The following SIM1 variants were observed in gnomAD, a reference collection of about 807,000 sequenced individuals.
SIM1 encodes SIM bHLH transcription factor 1.
A neutral mutation model predicts 78.2 loss-of-function variants in SIM1; 18 were observed. That is an observed-to-expected ratio of 0.23 (90% CI 0.16 to 0.34). The LOEUF (loss-of-function observed/expected upper bound fraction) is 0.34. Ranked by LOEUF, SIM1 falls within the 10% of genes least tolerant of loss-of-function variation. The probability of loss-of-function intolerance (pLI) is 1.00; values close to 1 mark genes in which losing one functional copy is unlikely to be tolerated. For synonymous variants in SIM1, 417 were observed against 385.2 expected (o/e 1.08, Z -0.97); for missense variants, 939 against 975.1 (o/e 0.96, Z 0.49).
chr6:100,461,827 T>TTC (rs200945543), intron 2 of SIM1, among the ~76,000 whole-genome samples: 1,978 of 101,970 alleles, frequency 0.019, 49 homozygotes, highest in African/African-American at 0.074. Flanking sequence ...TCTTCTTTTT[T>TTC]TCTTTCTTTC....
intron 2 of SIM1, among the ~76,000 whole-genome samples, chr6:100,461,602 A>G (rs1217151730): frequency 2.0e-5 from 3 of 152,266 alleles, no homozygotes; most frequent in Non-Finnish European, 4.4e-5. Context: ...GCAGGGGCTG[A>G]CAAATCACTG....
chr6:100,405,521 G>T (rs899256766), intron 10 of SIM1, among the ~76,000 whole-genome samples: 3 of 151,872 alleles, frequency 2.0e-5, no homozygotes, highest in Non-Finnish European at 4.4e-5. Context: ...TTTATAATTT[G>T]ATTCATTTAT....
In SIM1 at chr6:100,449,609, G is replaced by T; in HGVS notation, c.439C>A (p.His147Asn). ...TAVLTAHQPY[H>N]SHFVQEYEIE... ...ACCTTACCCTGCACGAAGTGAGAGT[G>T]GTAGGGTTGATGGGCGGTGAGCACC... Residue 147 changes from histidine to asparagine, a missense_variant, in exon 5 of 12, where the codon CAC becomes AAC. This residue lies in a region of SIM1 where 187 missense variants were observed against 191.6 expected (regional missense o/e 0.98). Transcript: ENST00000369208. 6.2e-7 allele frequency: 1 copy of T among 1,613,898 alleles called. No homozygotes were observed.
chr6:100,448,045 C>G lies in SIM1; in HGVS notation c.850+101G>C, dbSNP rs550865065. ...CCACCACCACCCGGCTCCCTGGGCT[C>G]CCACCTGTCCTCTTGCGAGGGATTT... On this transcript the variant is annotated intron_variant, in intron 8 of 11. Transcript: ENST00000369208. 1.1e-5 allele frequency: 10 copies of G among 940,038 alleles called. No homozygotes were observed. The East Asian group carries it at 2.6e-4, about 25-fold the overall frequency. The allele number at this position is 940,038 out of a possible 1,614,324, so 58.2% of individuals were successfully genotyped here.
Position 100,388,602 on chromosome 6 carries a change from A to T in SIM1, c.*1759T>A, listed in dbSNP as rs998500977. ...TTGTCACCTACCTATGGACTGTGAA[A>T]TAACTGTGTTAAATGATGAAAATAT... On this transcript the variant is annotated 3_prime_UTR_variant, in exon 12 of 12. Coordinates refer to ENST00000369208, the MANE Select transcript of SIM1 (RefSeq NM_005068.3). The T allele has an allele frequency of 4.6e-5, 7 of 152,190 alleles. No homozygotes were observed. Among genetic ancestry groups the T allele is most frequent in the African/African-American group, 1.7e-4 (7 of 41,446 alleles). 9.4% of individuals were successfully genotyped at this position (152,190 alleles called of 1,614,324 possible).
chr6:100,424,951 T>A (rs1332857306), intron 9 of SIM1, among the ~76,000 whole-genome samples: 2 of 152,218 alleles, frequency 1.3e-5, no homozygotes, highest in Admixed American at 1.3e-4. Flanking sequence ...TTTCTTTCCT[T>A]TCTATCCCTG....
intron 9 of SIM1, among the ~76,000 whole-genome samples, chr6:100,443,806 C>T (rs771278016): frequency 1.3e-5 from 2 of 152,074 alleles, no homozygotes; most frequent in African/African-American, 2.4e-5. Flanking sequence ...AAAAAATACA[C>T]ATTAAAAATA....
chr6:100,408,655 A>G (rs1273859545), intron 10 of SIM1, among the ~76,000 whole-genome samples: 1 of 152,110 alleles, frequency 6.6e-6, no homozygotes, highest in African/African-American at 2.4e-5. Context: ...CTTTTTCAGC[A>G]TGTATTGAGA....
chr6:100,403,864 C>T (rs1382413638), intron 10 of SIM1, among the ~76,000 whole-genome samples: 1 of 152,180 alleles, frequency 6.6e-6, no homozygotes, highest in Non-Finnish European at 1.5e-5. Flanking sequence ...TATTATTAAT[C>T]CCTTTACAGA....
intron 9 of SIM1, among the ~76,000 whole-genome samples, chr6:100,426,497 C>T (rs1771733548): frequency 6.6e-6 from 1 of 152,126 alleles, no homozygotes; most frequent in African/African-American, 2.4e-5. Context: ...AGCGTGACAC[C>T]CTTGGAAAGC....
At chr6:100,457,173 T>A (rs1340138332) in intron 2 of SIM1, among the ~76,000 whole-genome samples, 1 of 152,272 alleles carries the variant, frequency 6.6e-6, no homozygotes, top group African/African-American at 2.4e-5. Flanking sequence ...GCCCTCACTC[T>A]GACAGGAAGA....
Position 100,390,597 on chromosome 6 carries a change from C to T in SIM1, c.2065G>A (p.Gly689Arg), listed in dbSNP as rs1562229462. 2.5e-6 allele frequency: 4 copies of T among 1,614,186 alleles called. No individual in the cohort carries two copies. Among genetic ancestry groups the T allele is most frequent in the South Asian group, 1.1e-5 (1 of 91,088 alleles). Residue 689 changes from glycine to arginine, a missense_variant, in exon 12 of 12, where the codon GGA (glycine) becomes AGA (arginine). Physicochemically the swap from Gly to Arg is moderately radical, Grantham distance 125. Transcript: ENST00000369208. ...HSDISPHQTA[G>R]DHPTVSPNCF... Reference sequence around the variant, plus strand: ...TTTGGAGAGACAGTAGGGTGGTCTCCTGCTGTCTGATGAGGAGATATATCC... The same window carrying T: ...TTTGGAGAGACAGTAGGGTGGTCTCTTGCTGTCTGATGAGGAGATATATCC...
intron 10 of SIM1, among the ~76,000 whole-genome samples, chr6:100,409,750 G>T (rs1218200649): frequency 6.6e-6 from 1 of 151,966 alleles, no homozygotes. Context: ...TTCATCTCAA[G>T]ATATTTTTTA....
chr6:100,432,270 A>C (rs961954082), intron 9 of SIM1, among the ~76,000 whole-genome samples: 2 of 152,214 alleles, frequency 1.3e-5, no homozygotes, highest in Admixed American at 1.3e-4. Flanking sequence ...GCACCTGAAG[A>C]GTGTTAACAC....
At chr6:100,461,914 C>G (rs532943651) in intron 2 of SIM1, among the ~76,000 whole-genome samples, 2 of 143,466 alleles carry the variant, frequency 1.4e-5, no homozygotes, top group East Asian at 2.1e-4. Flanking sequence ...TTTCCAGGGT[C>G]AGAGAAGAAC....
intron 10 of SIM1, among the ~76,000 whole-genome samples, chr6:100,394,310 A>G (rs1046080264): frequency 6.6e-6 from 1 of 152,232 alleles, no homozygotes; most frequent in African/African-American, 2.4e-5. Context: ...TTAGCAGGTG[A>G]CACAACCAAG....
intron 8 of SIM1, among the ~76,000 whole-genome samples, 189 bp downstream of exon 8, chr6:100,447,957 C>T (rs982234443): frequency 1.3e-5 from 2 of 152,226 alleles, no homozygotes; most frequent in Non-Finnish European, 2.9e-5. Context: ...ATTAGCGGCC[C>T]GCGGATGTTA....
chr6:100,416,582 A>C (rs1446522874), intron 10 of SIM1, among the ~76,000 whole-genome samples: 1 of 152,216 alleles, frequency 6.6e-6, no homozygotes, highest in Non-Finnish European at 1.5e-5. Context: ...AAAGACTGCC[A>C]TCTTATTTTT....
At chr6:100,450,464 A>AG in intron 3 of SIM1, 108 bp from the exon 4 acceptor site, 1 of 929,974 alleles carries the variant, frequency 1.1e-6, no homozygotes, top group Non-Finnish European at 1.7e-6. Context: ...AGAGAGATGG[A>AG]GTGGAGCAGG....
Sources: gnomAD v4.1 joint callset for allele counts (sites outside exome capture counted in the v4.1 genomes callset) on GRCh38, gnomAD v4.1.1 for gene constraint, gnomAD v4.1.1 regional missense constraint, MANE v1.5 for transcripts, NCBI Gene and HGNC (gene_info 2026-07-23, HGNC 2026-07-21) for gene names.